The following STAU2 variants were observed in gnomAD, a reference collection of about 807,000 sequenced individuals.
The protein encoded by STAU2 is staufen double-stranded RNA binding protein 2.
Under a neutral mutation model 65.9 loss-of-function variants are expected in STAU2, and 20 were observed. The ratio of observed to expected loss-of-function variants is 0.30; its 90% CI spans 0.21 to 0.44. STAU2 has a LOEUF of 0.44. Ranked by LOEUF, STAU2 falls within the 20% of genes least tolerant of loss-of-function variation. The probability of loss-of-function intolerance (pLI) is 1.00; values close to 1 mark genes in which losing one functional copy is unlikely to be tolerated. For synonymous variants in STAU2, 232 were observed against 233.9 expected, an observed-to-expected ratio of 0.99 and a Z score of 0.07; for missense variants, 558 against 683.9, an observed-to-expected ratio of 0.82 and a Z score of 2.05.
chr8:73,658,195 C>T (rs189647432), intron 6 of STAU2, among the ~76,000 whole-genome samples: 12 of 151,798 alleles, frequency 7.9e-5, no homozygotes, highest in Admixed American at 5.2e-4. Flanking sequence ...GAAACCCCAT[C>T]TCTACTAAAA....
chr8:73,437,623 T>C (rs10957665), intron 13 of STAU2, among the ~76,000 whole-genome samples: 64,967 of 152,034 alleles, frequency 0.43, 14,600 homozygotes, highest in Admixed American at 0.55. Context: ...GTCACCACAG[T>C]CATGGAAAAA....
chr8:73,548,469 G>A (rs796873407), intron 13 of STAU2, among the ~76,000 whole-genome samples: 7 of 152,134 alleles, frequency 4.6e-5, no homozygotes, highest in African/African-American at 1.4e-4. Flanking sequence ...AAAGAAGCCT[G>A]TGGCTATAAA....
chr8:73,547,643 G>C (rs1231364399), intron 13 of STAU2, among the ~76,000 whole-genome samples: 1 of 152,140 alleles, frequency 6.6e-6, no homozygotes, highest in East Asian at 1.9e-4. Flanking sequence ...AAATTCAAGA[G>C]AGCTTTTTAA....
intron 3 of STAU2, among the ~76,000 whole-genome samples, chr8:73,737,215 G>C (rs1218760203): frequency 1.3e-5 from 2 of 149,744 alleles, no homozygotes; most frequent in Non-Finnish European, 3.0e-5. Flanking sequence ...TTTTTGCCCA[G>C]GGTGGAGTGC....
intron 13 of STAU2, among the ~76,000 whole-genome samples, chr8:73,443,964 T>A (rs901053505): frequency 6.6e-6 from 1 of 152,152 alleles, no homozygotes; most frequent in Non-Finnish European, 1.5e-5. Context: ...CAAGTAGGTG[T>A]TCCTGGGCAG....
intron 6 of STAU2, among the ~76,000 whole-genome samples, chr8:73,643,957 G>T (rs1457750398): frequency 6.6e-6 from 1 of 152,174 alleles, no homozygotes; most frequent in East Asian, 1.9e-4. Flanking sequence ...CCAAAGGTTT[G>T]TATGGACTTG....
chr8:73,574,179 A>G (rs1453580525), intron 12 of STAU2, among the ~76,000 whole-genome samples: 1 of 152,248 alleles, frequency 6.6e-6, no homozygotes, highest in African/African-American at 2.4e-5. Flanking sequence ...TGGCCATCAG[A>G]GAAATGCAAA....
At chr8:73,578,612 A>G (rs747355555) in intron 12 of STAU2, among the ~76,000 whole-genome samples, 44 of 152,320 alleles carry the variant, frequency 2.9e-4, no homozygotes, top group African/African-American at 5.5e-4. Flanking sequence ...ATTGCTCCCA[A>G]TTGCTTCAGA....
At chr8:73,587,078 C>T (rs1810429116) in intron 11 of STAU2, among the ~76,000 whole-genome samples, 1 of 151,800 alleles carries the variant, frequency 6.6e-6, no homozygotes, top group Non-Finnish European at 1.5e-5. Context: ...AGAAAAGCAT[C>T]GAGAGGGAAG....
At chr8:73,692,293 G>A (rs768411047) in intron 4 of STAU2, among the ~76,000 whole-genome samples, 16 of 151,806 alleles carry the variant, frequency 1.1e-4, no homozygotes, top group Non-Finnish European at 2.2e-4. Flanking sequence ...CGCCTCCCAA[G>A]TTCAAGTGAT....
chr8:73,454,498 G>T (rs900479467), intron 13 of STAU2, among the ~76,000 whole-genome samples: 2 of 152,140 alleles, frequency 1.3e-5, no homozygotes, highest in Non-Finnish European at 2.9e-5. Context: ...GTATCTGTAT[G>T]GAGGGATGTT....
chr8:73,536,547 C>A (rs76818437), intron 13 of STAU2, among the ~76,000 whole-genome samples: 7,797 of 152,154 alleles, frequency 0.051, 510 homozygotes, highest in African/African-American at 0.15. Context: ...TGAGGCGACC[C>A]AATTTCCTTG....
At chr8:73,443,416 G>A (rs929302291) in intron 13 of STAU2, among the ~76,000 whole-genome samples, 18 of 152,170 alleles carry the variant, frequency 1.2e-4, no homozygotes, top group East Asian at 3.8e-4. Flanking sequence ...GGAGGAAAAC[G>A]AATGAATGAA....
intron 4 of STAU2, chr8:73,697,159 T>C (rs929284910): frequency 6.6e-5 from 10 of 152,240 alleles, no homozygotes; most frequent in Non-Finnish European, 1.5e-4. Flanking sequence ...GTTCAGGCAA[T>C]TATCCTGCCT....
intron 13 of STAU2, chr8:73,550,794 A>C: frequency 1.0e-6 from 1 of 987,492 alleles, no homozygotes; most frequent in Non-Finnish European, 1.2e-6. Flanking sequence ...TAAGAGTCCA[A>C]TTAGAAACAC....
intron 13 of STAU2, among the ~76,000 whole-genome samples, chr8:73,510,291 A>C (rs1181783027): frequency 6.6e-6 from 1 of 152,088 alleles, no homozygotes; most frequent in Non-Finnish European, 1.5e-5. Context: ...GCTGGTCTCG[A>C]ACTCCCAATC....
chr8:73,657,635 A>G (rs1816480941), intron 6 of STAU2, among the ~76,000 whole-genome samples: 1 of 152,102 alleles, frequency 6.6e-6, no homozygotes, highest in South Asian at 2.1e-4. Flanking sequence ...TTTTTCTTCT[A>G]TATTTATATT....
At chr8:73,655,711 C>T (rs1319390340) in intron 6 of STAU2, among the ~76,000 whole-genome samples, 6 of 138,122 alleles carry the variant, frequency 4.3e-5, no homozygotes, top group African/African-American at 1.1e-4. Context: ...TGCAGTGGCG[C>T]GATCTCGGCT....
intron 12 of STAU2, among the ~76,000 whole-genome samples, chr8:73,567,128 A>G (rs553606555): frequency 6.6e-5 from 10 of 152,320 alleles, no homozygotes; most frequent in African/African-American, 2.4e-4. Context: ...TACAGTGGGG[A>G]AAAAAGTGAA....
Sources: allele counts gnomAD v4.1 joint callset (sites outside exome capture counted in the v4.1 genomes callset), GRCh38; gene constraint gnomAD v4.1.1; transcripts MANE v1.5; gene names NCBI Gene and HGNC (gene_info 2026-07-23, HGNC 2026-07-21).